The following CAMTA2 variants were observed in gnomAD, a reference collection of about 807,000 sequenced individuals.
CAMTA2 encodes the protein calmodulin-binding transcription activator 2.
A neutral mutation model predicts 135.7 loss-of-function variants in CAMTA2; 56 were observed. The observed-to-expected ratio is 0.41, with a 90% confidence interval of 0.33 to 0.52. CAMTA2 has a LOEUF of 0.52. Among genes scored for constraint, CAMTA2 ranks in the 20% least tolerant of loss-of-function variants. The probability of loss-of-function intolerance (pLI) is 0.16; values close to 1 mark genes in which losing one functional copy is unlikely to be tolerated. For synonymous variants in CAMTA2, 591 were observed against 604.6 expected, an observed-to-expected ratio of 0.98 and a Z score of 0.33; for missense variants, 1,358 against 1,553.4, an observed-to-expected ratio of 0.87 and a Z score of 2.11.
intron 10 of CAMTA2, among the ~76,000 whole-genome samples, chr17:4,977,657 G>T (rs774977762): frequency 2.0e-5 from 3 of 152,206 alleles, no homozygotes; most frequent in African/African-American, 7.2e-5. Flanking sequence ...TTTTCTCCCA[G>T]TCCCCAGATT....
intron 11 of CAMTA2, among the ~76,000 whole-genome samples, chr17:4,976,436 C>T (rs967350340): frequency 3.3e-5 from 5 of 152,230 alleles, no homozygotes; most frequent in Admixed American, 2.6e-4. Context: ...TGGTGGCTCA[C>T]GCCTGTAATC....
At chr17:4,972,668 G>A (rs2151166060) in intron 15 of CAMTA2, 101 bp downstream of exon 15, 2 of 1,422,406 alleles carry the variant, frequency 1.4e-6, no homozygotes, top group South Asian at 1.2e-5. Flanking sequence ...CTGCCTCTGT[G>A]GTTTGTCTCC....
rs1417720327 is a variant in CAMTA2, at chr17:4,985,938, T to G, written c.77A>C (p.Glu26Ala). Residue 26 changes from glutamate to alanine, a missense_variant, in exon 3 of 23, where the codon GAG (glutamate) becomes GCG (alanine). Coordinates refer to ENST00000348066, the MANE Select transcript of CAMTA2 (RefSeq NM_015099.4). ...LKIFLPKKLL[E>A]CLPRCPLLPP... is the part of the protein sequence containing the mutation. ...CAGCAGCGGGCAGCGAGGAAGACAC[T>G]CCAGCAGCTTCTTGGGGAGAAAGAT... The G allele has an allele frequency of 1.9e-6, 3 of 1,614,032 alleles. No individual in the cohort carries two copies. Among genetic ancestry groups the G allele is most frequent in the Non-Finnish European group, 2.5e-6 (3 of 1,179,938 alleles).
chr17:4,983,688 A>G (rs1327953579), intron 3 of CAMTA2: 1 of 151,656 alleles, frequency 6.6e-6, no homozygotes, highest in East Asian at 1.9e-4. Context: ...GGATCAAGCA[A>G]TTCTCTTACC....
At position 4,972,442 on chromosome 17, in the gene CAMTA2, AG is replaced by A. The variant is rs745547658; in HGVS notation, c.2597del (p.Pro866LeufsTer9). On this transcript the variant is annotated frameshift_variant, in exon 16 of 23. Transcript: ENST00000348066. LOFTEE classifies it high-confidence loss of function. ...TCATCTCAGAGGCTGGCAGAGGTGC[AG>A]GGGGGGGACTGCCATCTGGGGCACT... Reference protein sequence around the residue: ...YSSAPDGSPPPAPLPASEMTM... With the variant: ...YSSAPDGSPPXAPLPASEMTM... The A allele has an allele frequency of 5.6e-6, 9 of 1,611,284 alleles. No individual in the cohort carries two copies. Among genetic ancestry groups the A allele is most frequent in the Admixed American group, 1.7e-5 (1 of 59,798 alleles).
chr17:4,973,108 C>A, intron 14 of CAMTA2, 67 bp downstream of exon 14: 3 of 1,525,730 alleles, frequency 2.0e-6, no homozygotes, highest in Non-Finnish European at 1.8e-6. Flanking sequence ...TCCTCAGGAT[C>A]TTCCTTTTCA....
Position 4,970,487 on chromosome 17 carries a change from C to A in CAMTA2, c.2858G>T (p.Arg953Leu), listed in dbSNP as rs745990971. Residue 953 changes from arginine (R) to leucine (L), a missense_variant, in exon 17 of 23, where the codon CGG (arginine) becomes CTG (leucine). Around this residue, in one of 4 missense-constraint regions of CAMTA2, gnomAD observed 1,077 missense variants for 1,127.5 expected, o/e 0.96. Coordinates refer to ENST00000348066, the MANE Select transcript of CAMTA2 (RefSeq NM_015099.4). Reference protein sequence around the residue: ...AKQIIEATPERIKREDFVGLP... With the variant: ...AKQIIEATPELIKREDFVGLP... The stretch of plus-strand genomic sequence containing the variant: ...CCCCACGAAGTCCTCTCGTTTAATC[C>A]GCTCCGGTGTGGCTTCGATGATCTG... 1.9e-6 allele frequency: 3 copies of A among 1,613,976 alleles called. No homozygotes were observed. The highest frequency in any genetic ancestry group is 3.3e-5 in the Admixed American group (2 of 60,030).
In CAMTA2 at chr17:4,980,520, G is replaced by A. The variant is rs746615701; in HGVS notation, c.802C>T (p.His268Tyr). ...ATCAGTGGAGGAGGCTCTGGGGGGT[G>A]AGCGTGGGGGATAGAGGTCAGGGTT... ...ALTLTSIPHA[H>Y]PPEPPPLIAP... The change falls in exon 9 of 23, where the codon CAC becomes TAC. Residue 268 changes from histidine (H) to tyrosine (Y), a missense_variant. By Grantham distance (83) the His-to-Tyr change is moderately conservative. Around this residue, in one of 4 missense-constraint regions of CAMTA2, gnomAD observed 1,077 missense variants for 1,127.5 expected, o/e 0.96. Coordinates refer to ENST00000348066, the MANE Select transcript of CAMTA2 (RefSeq NM_015099.4). The surrounding 1 kb of genome is among the most constrained non-coding windows in gnomAD (Gnocchi z 5.3). The A allele has an allele frequency of 2.5e-6, 4 of 1,609,866 alleles. No homozygotes were observed. In the African/African-American group the frequency reaches 4.0e-5, roughly 16 times the overall value.
Position 4,969,956 on chromosome 17 carries a change from C to T in CAMTA2, c.3135G>A (p.Gln1045=). 1 of 1,614,234 alleles carries T rather than the reference C, an allele frequency of 6.2e-7. No homozygotes were observed. Among genetic ancestry groups the T allele is most frequent in the East Asian group, 2.2e-5 (1 of 44,884 alleles). Residue 1045 remains glutamine (Q), a synonymous_variant, in exon 18 of 23, where the codon CAG becomes CAA. Coordinates refer to ENST00000348066, the MANE Select transcript of CAMTA2 (RefSeq NM_015099.4). The surrounding 1 kb of genome is among the most constrained non-coding windows in gnomAD (Gnocchi z 5.6). ...FALLTLSDHE[Q]RELYEAARVI... is the part of the protein sequence containing the mutation. ...CTCGGGCAGCCTCATACAGTTCCCG[C>T]TGCTCGTGATCTGATAGTGTCAGCA...
Position 4,979,868 on chromosome 17 carries a change from C to T in CAMTA2, c.1454G>A (p.Gly485Glu). ...PLEPSSRVGR[G>E]EALFGGPVGA... ...AACAGGTCCTCCAAACAAGGCCTCT[C>T]CTCTTCCTACCCTGCTTGACGGCTC... Residue 485 changes from glycine to glutamate, a missense_variant, in exon 9 of 23, where the codon GGA (glycine) becomes GAA (glutamate). By Grantham distance (98) the Gly-to-Glu change is moderately conservative. Coordinates refer to ENST00000348066, the MANE Select transcript of CAMTA2 (RefSeq NM_015099.4). 6.2e-7 allele frequency: 1 copy of T among 1,613,812 alleles called. No homozygotes were observed. Among genetic ancestry groups the T allele is most frequent in the Non-Finnish European group, 8.5e-7 (1 of 1,179,930 alleles).
chr17:4,981,505 G>T, intron 7 of CAMTA2, 146 bp from the exon 8 acceptor site: 1 of 1,299,500 alleles, frequency 7.7e-7, no homozygotes, highest in Non-Finnish European at 1.1e-6. Context: ...CAGATATGTT[G>T]CTTTAGTCCT....
Position 4,982,769 on chromosome 17 carries a change from G to C in CAMTA2, c.327C>G (p.Val109=). 1 of 1,614,054 alleles carries C rather than the reference G, an allele frequency of 6.2e-7. No individual in the cohort carries two copies. The highest frequency in any genetic ancestry group is 8.5e-7 in the Non-Finnish European group (1 of 1,179,932). The part of the protein sequence containing the change: ...TTREDHMKLK[V]QGMECLYGCY... ...CTGACTCTCTTACCTCCATGCCCTG[G>C]ACCTTCAGCTTCATGTGGTCCTCTC... Residue 109 remains valine, a synonymous_variant, in exon 5 of 23, where the codon GTC becomes GTG. Coordinates refer to ENST00000348066, the MANE Select transcript of CAMTA2 (RefSeq NM_015099.4).
rs1972967225 is a variant in CAMTA2 at position 4,981,657 on chromosome 17, A to G, written c.565+21T>C. ...GTTTCTACTCTCCCCTTGGAGCTCT[A>G]TCCCCACCCTGCTGCCTTACACATG... On this transcript the variant is annotated intron_variant, in intron 7 of 22. Coordinates refer to ENST00000348066, the MANE Select transcript of CAMTA2 (RefSeq NM_015099.4). 2.5e-6 allele frequency: 4 copies of G among 1,576,282 alleles called. No individual in the cohort carries two copies. The African/African-American group carries it at 4.1e-5, about 16-fold the overall frequency.
chr17:4,984,008 T>C (rs1973117936), intron 3 of CAMTA2, among the ~76,000 whole-genome samples: 1 of 152,204 alleles, frequency 6.6e-6, no homozygotes. Context: ...TGGAGTGCAG[T>C]GGCGCCATCT....
At chr17:4,987,213 G>A (rs1567702760) in intron 1 of CAMTA2, 6 of 1,338,554 alleles carry the variant, frequency 4.5e-6, no homozygotes, top group Non-Finnish European at 4.8e-6. Flanking sequence ...GGCGGCGCCG[G>A]ATCGGACGCT....
chr17:4,970,585 G>C (rs1164132078), intron 16 of CAMTA2, 49 bp from the exon 17 acceptor site: 2 of 1,481,604 alleles, frequency 1.3e-6, no homozygotes, highest in Non-Finnish European at 1.9e-6. Context: ...CCAGCTGCCA[G>C]CTGTAACCTC....
intron 12 of CAMTA2, 36 bp downstream of exon 12, chr17:4,974,349 C>T (rs1400279221): frequency 1.5e-6 from 2 of 1,345,722 alleles, no homozygotes; most frequent in South Asian, 2.3e-5. Flanking sequence ...TCCCCCTGCT[C>T]CCCACCGTAG....
rs756160547 is a variant in CAMTA2, at chr17:4,979,889, G to C, written c.1433C>G (p.Pro478Arg). The C allele has an allele frequency of 6.2e-7, 1 of 1,613,314 alleles. No homozygotes were observed. Among genetic ancestry groups the C allele is most frequent in the Non-Finnish European group, 8.5e-7 (1 of 1,179,766 alleles). ...SPPPSPAPLE[P>R]SSRVGRGEAL... The stretch of plus-strand genomic sequence containing the variant: ...CTCTCCTCTTCCTACCCTGCTTGAC[G>C]GCTCCAAGGGGGCAGGTGAGGGTGG... The change falls in exon 9 of 23, where the codon CCG becomes CGG. Residue 478 changes from proline to arginine, a missense_variant. By Grantham distance (103) the Pro-to-Arg change is moderately radical. Coordinates refer to ENST00000348066, the MANE Select transcript of CAMTA2 (RefSeq NM_015099.4).
rs1339652277 is a variant in CAMTA2 at position 4,972,484 on chromosome 17, G to A, written c.2556C>T (p.Val852=). The part of the protein sequence containing the change: ...PSELSDGTFS[V]TSAYSSAPDG... ...CTGGGGCACTAGAATAGGCTGACGT[G>A]ACGGAAAAGGTGCCATCCGACAGCT... The change falls in exon 16 of 23, where the codon GTC becomes GTT. Residue 852 remains valine (V), a synonymous_variant. Transcript: ENST00000348066. 1.2e-6 allele frequency: 2 copies of A among 1,612,248 alleles called. No individual in the cohort carries two copies. The highest frequency in any genetic ancestry group is 2.2e-5 in the South Asian group (2 of 90,860).
Sources: allele counts gnomAD v4.1 joint callset (sites outside exome capture counted in the v4.1 genomes callset), GRCh38; gene constraint gnomAD v4.1.1; regional missense constraint gnomAD v4.1.1; non-coding constraint Gnocchi (gnomAD v3.1); transcripts MANE v1.5; gene names NCBI Gene and HGNC (gene_info 2026-07-23, HGNC 2026-07-21).